CDH11: variants seen among roughly 807,000 people sequenced by gnomAD.
CDH11 encodes the protein cadherin 11, also known as cadherin-11.
Under a neutral mutation model 67.8 loss-of-function variants are expected in CDH11, and 11 were observed. The ratio of observed to expected loss-of-function variants is 0.16; its 90% CI spans 0.10 to 0.27. CDH11 has a LOEUF of 0.27. Among genes scored for constraint, CDH11 ranks in the 10% least tolerant of loss-of-function variants. The pLI, the probability that CDH11 is intolerant of heterozygous loss-of-function variation, is 1.00. For missense variants in CDH11, 847 were observed against 1,031.2 expected (o/e 0.82, Z 2.45); for synonymous variants, 419 against 400.0 (o/e 1.05, Z -0.57).
At chr16:64,971,865 G>T in intron 10 of CDH11, 66 bp downstream of exon 10, 2 of 1,566,562 alleles carry the variant, frequency 1.3e-6, no homozygotes, top group Non-Finnish European at 1.8e-6. Context: ...CCAAGTGATG[G>T]TTTAAAAAAC....
chr16:64,972,283 C>G (rs2072028489), intron 9 of CDH11, among the ~76,000 whole-genome samples: 2 of 152,206 alleles, frequency 1.3e-5, no homozygotes, highest in African/African-American at 4.8e-5. Context: ...AACTAAAACA[C>G]TTTTCCACAT....
chr16:65,050,125 C>T (rs1319577743), intron 2 of CDH11, among the ~76,000 whole-genome samples: 1 of 152,176 alleles, frequency 6.6e-6, no homozygotes, highest in East Asian at 1.9e-4. Flanking sequence ...AAATCTCTTC[C>T]ACTTCTCCAA....
intron 8 of CDH11, among the ~76,000 whole-genome samples, chr16:64,977,046 A>C (rs1567503160): frequency 6.6e-6 from 1 of 151,982 alleles, no homozygotes; most frequent in Non-Finnish European, 1.5e-5. Flanking sequence ...CAAAACAAAA[A>C]AAATTAGGCA....
At chr16:64,988,425 A>G in intron 6 of CDH11, 81 bp from the exon 7 acceptor site, 1 of 1,279,592 alleles carries the variant, frequency 7.8e-7, no homozygotes, top group Non-Finnish European at 1.1e-6. Context: ...ATCCCAATAA[A>G]TTTCTCAAAG....
intron 12 of CDH11, among the ~76,000 whole-genome samples, chr16:64,949,931 A>G (rs906378400): frequency 1.3e-5 from 2 of 152,162 alleles, no homozygotes; most frequent in Non-Finnish European, 2.9e-5. Context: ...TATTTGCTGA[A>G]TTGAATTCAC....
chr16:64,987,579 G>C (rs1165689301), intron 7 of CDH11: 2 of 152,202 alleles, frequency 1.3e-5, no homozygotes, highest in Non-Finnish European at 2.9e-5. Flanking sequence ...ACTTCTCTTT[G>C]TAATAAATTA....
intron 2 of CDH11, among the ~76,000 whole-genome samples, chr16:65,010,541 G>C (rs2073155088): frequency 6.6e-6 from 1 of 152,028 alleles, no homozygotes; most frequent in Non-Finnish European, 1.5e-5. Context: ...CTTCTTCTCA[G>C]GTGCAAAGTA....
intron 2 of CDH11, among the ~76,000 whole-genome samples, chr16:65,034,730 A>G (rs1230493426): frequency 6.6e-6 from 1 of 152,200 alleles, no homozygotes; most frequent in East Asian, 1.9e-4. Flanking sequence ...GCTTAATGGC[A>G]TTGGAAACAC....
rs145307014 is a variant in CDH11 at position 64,946,379 on chromosome 16, C to T, written c.*1224G>A. The T allele has an allele frequency of 4.8e-6, 5 of 1,037,890 alleles. No homozygotes were observed. The South Asian group carries it at 1.8e-4, about 38-fold the overall frequency. 64.3% of individuals were successfully genotyped at this position (1,037,890 alleles called of 1,614,324 possible). A position where few individuals can be genotyped will look rare whatever the true frequency, so the allele number is the denominator to read the frequency against. On this transcript the variant is annotated 3_prime_UTR_variant, in exon 13 of 13. Coordinates refer to ENST00000268603, the MANE Select transcript of CDH11 (RefSeq NM_001797.4). ...CTCAGTGTGGGGCATAGAATGTATA[C>T]CTGGAACATTAGAGTTCTGATAGCT...
intron 1 of CDH11, among the ~76,000 whole-genome samples, chr16:65,068,053 AG>A: frequency 1.1e-5 from 1 of 90,946 alleles, no homozygotes; most frequent in African/African-American, 4.3e-5. Context: ...GAAGGGAGGA[AG>A]GGAGGGAGGG....
chr16:65,011,079 T>C (rs904048920), intron 2 of CDH11, among the ~76,000 whole-genome samples: 12 of 129,610 alleles, frequency 9.3e-5, no homozygotes, highest in Non-Finnish European at 1.9e-4. Context: ...TATATGTATA[T>C]ATACACACAC....
chr16:65,006,820 C>T (rs943964987), intron 2 of CDH11: 4 of 152,174 alleles, frequency 2.6e-5, no homozygotes, highest in African/African-American at 7.2e-5. Flanking sequence ...AGGTCTTTGC[C>T]ATGCTGTTCT....
intron 1 of CDH11, among the ~76,000 whole-genome samples, chr16:65,112,439 G>A (rs1245119433): frequency 6.6e-6 from 1 of 152,130 alleles, no homozygotes; most frequent in Non-Finnish European, 1.5e-5. Flanking sequence ...TCCTTCCTAT[G>A]GCCCAATTTA....
At chr16:65,112,863 C>T (rs1357503463) in intron 1 of CDH11, among the ~76,000 whole-genome samples, 3 of 152,134 alleles carry the variant, frequency 2.0e-5, no homozygotes, top group Non-Finnish European at 1.5e-5. Context: ...TCATTTAAAG[C>T]CTTATGTTTA....
chr16:65,112,777 T>G (rs1476457900), intron 1 of CDH11, among the ~76,000 whole-genome samples: 1 of 152,158 alleles, frequency 6.6e-6, no homozygotes, highest in South Asian at 2.1e-4. Flanking sequence ...CAGGGCCAAG[T>G]GTTGCATTTT....
At chr16:65,082,519 T>G (rs946707038) in intron 1 of CDH11, among the ~76,000 whole-genome samples, 1 of 151,148 alleles carries the variant, frequency 6.6e-6, no homozygotes, top group African/African-American at 2.5e-5. Context: ...CTCTGACTGG[T>G]CATTGTAGCC....
At chr16:65,096,960 AT>A (rs367983725) in intron 1 of CDH11, among the ~76,000 whole-genome samples, 2,870 of 151,444 alleles carry the variant, frequency 0.019, 99 homozygotes, top group African/African-American at 0.066. Flanking sequence ...TTTCAGTTTG[AT>A]TTTTTTTTGA....
At chr16:65,042,744 A>G (rs1462221351) in intron 2 of CDH11, among the ~76,000 whole-genome samples, 3 of 152,118 alleles carry the variant, frequency 2.0e-5, no homozygotes, top group African/African-American at 7.2e-5. Flanking sequence ...TCTTCCCTCC[A>G]TCTGGTATTT....
intron 2 of CDH11, among the ~76,000 whole-genome samples, chr16:65,047,517 G>T (rs2073983761): frequency 6.6e-6 from 1 of 151,620 alleles, no homozygotes; most frequent in Non-Finnish European, 1.5e-5. Flanking sequence ...ATGCTCAGCT[G>T]ATTTTTGTAT....
Sources: gnomAD v4.1 joint callset for allele counts (sites outside exome capture counted in the v4.1 genomes callset) on GRCh38, gnomAD v4.1.1 for gene constraint, MANE v1.5 for transcripts, NCBI Gene and HGNC (gene_info 2026-07-23, HGNC 2026-07-21) for gene names.